The following ENTREP2 variants were observed in gnomAD, a reference collection of about 807,000 sequenced individuals.
ENTREP2 encodes protein ENTREP2.
At chr15:29,563,761 C>T in the ENTREP2 span, among the ~76,000 whole-genome samples, 2 of 151,886 alleles carry the variant, frequency 1.3e-5, no homozygotes, top group African/African-American at 2.4e-5. Context: ...CGCTTGAACC[C>T]GGGAGGCTGA....
chr15:29,154,764 A>G, the ENTREP2 span, among the ~76,000 whole-genome samples: 693 of 152,268 alleles, frequency 4.6e-3, 7 homozygotes, highest in Non-Finnish European at 6.4e-3. Context: ...CCAATCTGTA[A>G]CATCCTCTGG....
chr15:29,603,591 C>T, the ENTREP2 span, among the ~76,000 whole-genome samples: 2 of 151,726 alleles, frequency 1.3e-5, no homozygotes, highest in Non-Finnish European at 2.9e-5. Flanking sequence ...ACAGCAAAGC[C>T]CCTCCAAAAA....
At chr15:29,277,538 C>T in the ENTREP2 span, among the ~76,000 whole-genome samples, 1 of 152,092 alleles carries the variant, frequency 6.6e-6, no homozygotes, top group South Asian at 2.1e-4. Context: ...TCCCCGCCTG[C>T]AGTTCTCAGT....
At chr15:29,376,899 GCCAGC>G in the ENTREP2 span, 1 of 152,318 alleles carries the variant, frequency 6.6e-6, no homozygotes, top group Non-Finnish European at 1.5e-5. Context: ...CCTGTACTCA[GCCAGC>G]CAGGCCTGCA....
chr15:29,216,857 AAAAAG>A, the ENTREP2 span, among the ~76,000 whole-genome samples: 52 of 152,322 alleles, frequency 3.4e-4, no homozygotes, highest in Admixed American at 4.6e-4. Flanking sequence ...ATTGTTTAAA[AAAAAG>A]AAAAGAAAAG....
chr15:29,668,546 G>A, the ENTREP2 span, among the ~76,000 whole-genome samples: 1 of 152,118 alleles, frequency 6.6e-6, no homozygotes, highest in Non-Finnish European at 1.5e-5. Context: ...AACATGTTGT[G>A]GTATATATCG....
At chr15:29,223,085 C>G in the ENTREP2 span, among the ~76,000 whole-genome samples, 807 of 152,212 alleles carry the variant, frequency 5.3e-3, 3 homozygotes, top group Non-Finnish European at 6.9e-3. Context: ...ACAAATCAAA[C>G]AAAGAAGCTG....
the ENTREP2 span, among the ~76,000 whole-genome samples, chr15:29,281,556 G>C: frequency 6.6e-6 from 1 of 152,196 alleles, no homozygotes; most frequent in Non-Finnish European, 1.5e-5. Flanking sequence ...TGACTGAGTA[G>C]AGCTAAGCCA....
chr15:29,369,572 A>G, the ENTREP2 span, among the ~76,000 whole-genome samples: 1 of 150,114 alleles, frequency 6.7e-6, no homozygotes, highest in East Asian at 2.0e-4. Flanking sequence ...TAGTAAAGGA[A>G]GTCTTTTAGG....
At chr15:29,630,340 A>C in the ENTREP2 span, among the ~76,000 whole-genome samples, 3 of 152,168 alleles carry the variant, frequency 2.0e-5, no homozygotes, top group Admixed American at 2.0e-4. Context: ...TCTGTCATTC[A>C]AATCATTGTT....
At chr15:29,159,444 C>A in the ENTREP2 span, among the ~76,000 whole-genome samples, 18 of 152,166 alleles carry the variant, frequency 1.2e-4, no homozygotes, top group Admixed American at 1.1e-3. Context: ...AAGGACAGGG[C>A]CGGGTTGCTA....
the ENTREP2 span, among the ~76,000 whole-genome samples, chr15:29,202,429 ATGAT>A: frequency 6.6e-6 from 1 of 152,266 alleles, no homozygotes; most frequent in East Asian, 1.9e-4. Context: ...ACATTGCAGA[ATGAT>A]TGAATCAAGC....
the ENTREP2 span, among the ~76,000 whole-genome samples, chr15:29,656,317 G>C: frequency 0.031 from 4,655 of 151,454 alleles, 219 homozygotes; most frequent in African/African-American, 0.1. Context: ...CCTCCACCTC[G>C]CAGCTTTAAG....
the ENTREP2 span, among the ~76,000 whole-genome samples, chr15:29,212,110 CT>C: frequency 6.6e-6 from 1 of 151,812 alleles, no homozygotes; most frequent in Non-Finnish European, 1.5e-5. Flanking sequence ...TGGTCCTGGA[CT>C]TTTTTTTGTT....
chr15:29,507,294 A>G, the ENTREP2 span, among the ~76,000 whole-genome samples: 1 of 152,210 alleles, frequency 6.6e-6, no homozygotes, highest in African/African-American at 2.4e-5. Context: ...TTAGATTCCC[A>G]TGCAGTAATA....
At chr15:29,146,510 A>G in the ENTREP2 span, among the ~76,000 whole-genome samples, 5 of 152,256 alleles carry the variant, frequency 3.3e-5, no homozygotes, top group South Asian at 4.1e-4. Flanking sequence ...TCTATGGTCA[A>G]TTGAGTCTGA....
chr15:29,517,458 G>A, the ENTREP2 span, among the ~76,000 whole-genome samples: 4,881 of 152,104 alleles, frequency 0.032, 92 homozygotes, highest in Middle Eastern at 0.088. Context: ...ACATTATACC[G>A]TTCTTTGAAA....
the ENTREP2 span, among the ~76,000 whole-genome samples, chr15:29,666,466 TAA>T: frequency 6.6e-6 from 1 of 151,764 alleles, no homozygotes; most frequent in African/African-American, 2.4e-5. Flanking sequence ...AGTGGCCTTC[TAA>T]AGGTCATGTC....
the ENTREP2 span, among the ~76,000 whole-genome samples, chr15:29,160,525 AT>A: frequency 6.6e-6 from 1 of 152,036 alleles, no homozygotes; most frequent in Non-Finnish European, 1.5e-5. Flanking sequence ...CCTGGCCAAC[AT>A]GATGAAACCC....
Sources: allele counts gnomAD v4.1 joint callset (sites outside exome capture counted in the v4.1 genomes callset), GRCh38; gene constraint gnomAD v4.1.1; transcripts MANE v1.5; gene names NCBI Gene and HGNC (gene_info 2026-07-23, HGNC 2026-07-21).